The following NFASC variants were observed in gnomAD, a reference collection of about 807,000 sequenced individuals.
NFASC encodes the protein neurofascin, also known as neurofascin homolog.
NFASC carries 43 observed loss-of-function variants against 147.5 expected under a neutral mutation model. The ratio of observed to expected loss-of-function variants is 0.29; its 90% CI spans 0.23 to 0.38. The LOEUF is 0.38. Ranked by LOEUF, NFASC falls within the 10% of genes least tolerant of loss-of-function variation. The probability of loss-of-function intolerance (pLI) is 1.00; values close to 1 mark genes in which losing one functional copy is unlikely to be tolerated. For synonymous variants in NFASC, 622 were observed against 665.5 expected (o/e 0.93, Z 1.01); for missense variants, 1,320 against 1,689.0 (o/e 0.78, Z 3.83).
chr1:204,978,757 G>A (rs116145346), intron 17 of NFASC, among the ~76,000 whole-genome samples: 1 of 152,162 alleles, frequency 6.6e-6, no homozygotes, highest in Non-Finnish European at 1.5e-5. Context: ...TTCTTTGTGG[G>A]GGGGGGCTGG....
intron 27 of NFASC, among the ~76,000 whole-genome samples, chr1:205,007,070 G>A (rs970795995): frequency 2.0e-5 from 3 of 151,998 alleles, no homozygotes; most frequent in African/African-American, 7.3e-5. Flanking sequence ...GTCGGGAGCT[G>A]GAGGGGGTGG....
intron 1 of NFASC, among the ~76,000 whole-genome samples, chr1:204,884,070 T>C (rs2080856013): frequency 6.6e-6 from 1 of 152,146 alleles, no homozygotes; most frequent in Non-Finnish European, 1.5e-5. Flanking sequence ...GTTGGGAGGC[T>C]GAAATAAATG....
intron 3 of NFASC, among the ~76,000 whole-genome samples, chr1:204,946,088 G>T (rs2149826818): frequency 6.6e-6 from 1 of 152,328 alleles, no homozygotes. Flanking sequence ...CACCTGTAGG[G>T]TAGAGCTGAG....
At chr1:204,922,063 G>A (rs943982324) in intron 2 of NFASC, among the ~76,000 whole-genome samples, 30 of 152,154 alleles carry the variant, frequency 2.0e-4, no homozygotes, top group Non-Finnish European at 3.4e-4. Context: ...TTTACTACAC[G>A]TGGAGGAGTA....
At chr1:204,846,572 C>T (rs1163325174) in intron 1 of NFASC, among the ~76,000 whole-genome samples, 1 of 152,036 alleles carries the variant, frequency 6.6e-6, no homozygotes, top group Non-Finnish European at 1.5e-5. Context: ...GATATCTAGC[C>T]TGAGGTAAGC....
In NFASC at chr1:204,954,085, AG is replaced by A; in HGVS notation, c.216-100del. 1 of 1,010,888 alleles carries A rather than the reference AG, an allele frequency of 9.9e-7. No homozygotes were observed. The highest frequency in any genetic ancestry group is 1.4e-5 in the South Asian group (1 of 70,126). The allele number at this position is 1,010,888 out of a possible 1,614,324, so 62.6% of individuals were successfully genotyped here. On this transcript the variant is annotated intron_variant, in intron 5 of 29. Coordinates refer to ENST00000339876, the MANE Select transcript of NFASC (RefSeq NM_001005388.3). This position sits in a 1 kb window ranked among gnomAD's most constrained non-coding sequence, Gnocchi z 5.7. ...TGGGGTGCCACGATGGGACTGAGAG[AG>A]GGAATTTTGGTACTGAGCCAGGGAC... is the stretch of plus-strand genomic sequence containing the variant.
At chr1:204,959,791 C>G (rs1294489315) in intron 8 of NFASC, among the ~76,000 whole-genome samples, 1 of 152,252 alleles carries the variant, frequency 6.6e-6, no homozygotes, top group Admixed American at 6.5e-5. Context: ...AACTAACTTC[C>G]TCTGCAGTTA....
chr1:204,832,142 TGAACACCTGTGTGAAC>T (rs1342333048), intron 1 of NFASC, among the ~76,000 whole-genome samples: 1 of 133,954 alleles, frequency 7.5e-6, no homozygotes, highest in African/African-American at 3.1e-5. Context: ...ATGTTCTGTG[TGAACACCTGTGTGAAC>T]AAGGTGAACC....
Position 204,962,235 on chromosome 1 carries a change from C to G in NFASC, c.706+4409C>G, listed in dbSNP as rs1454427169. 3.2e-6 allele frequency: 4 copies of G among 1,240,600 alleles called. No homozygotes were observed. The East Asian group carries it at 9.5e-5, about 29-fold the overall frequency. 76.8% of individuals were successfully genotyped at this position (1,240,600 alleles called of 1,614,324 possible). A position where few individuals can be genotyped will look rare whatever the true frequency, so the allele number is the denominator to read the frequency against. The stretch of plus-strand genomic sequence containing the variant: ...TTGCCTAACTTGACTGATACCACGT[C>G]ATTAACTCCTGCTGGGTGGCAGCTG... On this transcript the variant is annotated intron_variant, in intron 8 of 29. Transcript: ENST00000339876.
At chr1:204,844,224 T>C (rs747228553) in intron 1 of NFASC, among the ~76,000 whole-genome samples, 1 of 152,214 alleles carries the variant, frequency 6.6e-6, no homozygotes, top group Admixed American at 6.5e-5. Context: ...ATTTGTAAAG[T>C]GGAGAGTTAA....
chr1:204,968,894 T>A lies in NFASC; in HGVS notation c.915T>A (p.Asn305Lys). 6.2e-7 allele frequency: 1 copy of A among 1,614,060 alleles called. No homozygotes were observed. The highest frequency in any genetic ancestry group is 1.1e-5 in the South Asian group (1 of 91,078). ...TTAATAAGGCCCTGCGTATCACAAA[T>A]GTCTCTGAGGAAGACTCCGGGGAGT... ...ENFNKALRIT[N>K]VSEEDSGEYF... The change falls in exon 10 of 30, where the codon AAT becomes AAA. Residue 305 changes from asparagine (N) to lysine (K), a missense_variant. Transcript: ENST00000339876. This position sits in a 1 kb window ranked among gnomAD's most constrained non-coding sequence, Gnocchi z 5.4.
intron 24 of NFASC, among the ~76,000 whole-genome samples, chr1:204,996,272 A>G (rs1261625883): frequency 6.6e-6 from 1 of 152,188 alleles, no homozygotes; most frequent in Non-Finnish European, 1.5e-5. Flanking sequence ...AGATTTATGC[A>G]GAAAAGAAGC....
At chr1:204,857,497 G>A (rs1403574543) in intron 1 of NFASC, among the ~76,000 whole-genome samples, 1 of 152,178 alleles carries the variant, frequency 6.6e-6, no homozygotes, top group African/African-American at 2.4e-5. Context: ...CAATTGGCTG[G>A]TTTCTGGGCT....
At chr1:204,906,203 G>A (rs998887576) in intron 1 of NFASC, among the ~76,000 whole-genome samples, 1 of 152,076 alleles carries the variant, frequency 6.6e-6, no homozygotes, top group Non-Finnish European at 1.5e-5. Context: ...TTCCAAATGA[G>A]GTTTACTGAG....
chr1:205,001,177 T>G lies in NFASC; in HGVS notation c.3027T>G (p.Asp1009Glu), dbSNP rs1353447656. 1.2e-6 allele frequency: 2 copies of G among 1,606,434 alleles called. No homozygotes were observed. Among genetic ancestry groups the G allele is most frequent in the Non-Finnish European group, 1.7e-6 (2 of 1,175,252 alleles). Reference sequence around the variant, plus strand: ...TTCTAACCCGTCCACCAGCCCCTGATGAGCAGTCCATATGGAACGTCACGG... The same window carrying G: ...TTCTAACCCGTCCACCAGCCCCTGAGGAGCAGTCCATATGGAACGTCACGG... Reference protein sequence around the residue: ...SGTKIHESAPDEQSIWNVTVL... With the variant: ...SGTKIHESAPEEQSIWNVTVL... Residue 1009 changes from aspartate (D) to glutamate (E), a missense_variant, in exon 26 of 30, where the codon GAT becomes GAG. Transcript: ENST00000339876.
At chr1:204,887,940 A>T (rs984875394) in intron 1 of NFASC, among the ~76,000 whole-genome samples, 4 of 152,074 alleles carry the variant, frequency 2.6e-5, no homozygotes, top group Non-Finnish European at 5.9e-5. Context: ...CTGGAAATAC[A>T]GCTCTGTTCT....
At chr1:204,976,090 C>T (rs1450936062) in intron 15 of NFASC, among the ~76,000 whole-genome samples, 5 of 152,170 alleles carry the variant, frequency 3.3e-5, no homozygotes, top group East Asian at 1.9e-4. Flanking sequence ...CAGTTGGACA[C>T]GGTACCAGCG....
chr1:204,977,373 C>G (rs2095428335), intron 16 of NFASC, among the ~76,000 whole-genome samples: 1 of 152,236 alleles, frequency 6.6e-6, no homozygotes, highest in African/African-American at 2.4e-5. Flanking sequence ...ACCTCTGCCT[C>G]CCCGTGGGTG....
chr1:204,970,805 G>T, intron 11 of NFASC, 58 bp downstream of exon 11: 1 of 1,608,552 alleles, frequency 6.2e-7, no homozygotes, highest in Non-Finnish European at 8.5e-7. Context: ...AAAGGCTTCA[G>T]ATCCCCATCA....
Sources: allele counts gnomAD v4.1 joint callset (sites outside exome capture counted in the v4.1 genomes callset), GRCh38; gene constraint gnomAD v4.1.1; non-coding constraint Gnocchi (gnomAD v3.1); transcripts MANE v1.5; gene names NCBI Gene and HGNC (gene_info 2026-07-23, HGNC 2026-07-21).